The following RTEL1 variants were observed in gnomAD, a reference collection of about 807,000 sequenced individuals.
RTEL1 encodes regulator of telomere length.
In RTEL1, 86 loss-of-function variants were observed where a neutral mutation model predicts 162.2. The ratio of observed to expected loss-of-function variants is 0.53; its 90% CI spans 0.45 to 0.63. The LOEUF is 0.63. Ranked by LOEUF, RTEL1 falls within the 30% of genes least tolerant of loss-of-function variation. The pLI, the probability that RTEL1 is intolerant of heterozygous loss-of-function variation, is 0.00. For synonymous variants in RTEL1, 958 were observed against 717.9 expected (o/e 1.33, Z -5.35); for missense variants, 1,941 against 1,750.2 (o/e 1.11, Z -1.95).
In RTEL1 at chr20:63,674,009, A is replaced by C; in HGVS notation, c.835A>C (p.Ile279Leu). 2 of 1,614,164 alleles carry C rather than the reference A, an allele frequency of 1.2e-6. No homozygotes were observed. The highest frequency in any genetic ancestry group is 1.7e-6 in the Non-Finnish European group (2 of 1,180,028). The stretch of plus-strand genomic sequence containing the variant: ...TGACCTGGCTTCAGGACTGGACGTC[A>C]TAGACCAGGTGCTGGAGGAGCAGAC... ...PHDLASGLDV[I>L]DQVLEEQTKA... is the part of the protein sequence containing the mutation. Residue 279 changes from isoleucine (I) to leucine (L), a missense_variant, in exon 10 of 35, where the codon ATA (isoleucine) becomes CTA (leucine). Transcript: ENST00000360203.
At position 63,690,241 on chromosome 20, in the gene RTEL1, T is replaced by A. The variant is rs760679297; in HGVS notation, c.2265+31T>A. 4 of 1,608,398 alleles carry A rather than the reference T, an allele frequency of 2.5e-6. No homozygotes were observed. The South Asian group carries it at 4.4e-5, about 18-fold the overall frequency. On this transcript the variant is annotated intron_variant, in intron 25 of 34. Transcript: ENST00000360203. ...TTCCTGCCCAGGGAGGGGATGAGGG[T>A]GTTGTCCCCAGAGGAGCCAGAAATG...
chr20:63,677,352 C>G (rs1341273084), intron 10 of RTEL1, among the ~76,000 whole-genome samples: 1 of 152,178 alleles, frequency 6.6e-6, no homozygotes, highest in East Asian at 1.9e-4. Flanking sequence ...CATAAGGGCT[C>G]AGCGGTAATC....
Position 63,688,552 on chromosome 20 carries a change from G to A in RTEL1, c.1747G>A (p.Glu583Lys). 2 of 1,610,782 alleles carry A rather than the reference G, an allele frequency of 1.2e-6. No homozygotes were observed. The highest frequency in any genetic ancestry group is 1.7e-6 in the Non-Finnish European group (2 of 1,179,572). The change falls in exon 21 of 35, where the codon GAG becomes AAG. Residue 583 changes from glutamate (E) to lysine (K), a missense_variant. By Grantham distance (56) the Glu-to-Lys change is moderately conservative. Coordinates refer to ENST00000360203, the MANE Select transcript of RTEL1 (RefSeq NM_001283009.2). ...GGCCCGCGACTTGGCCAGGAAGATGGAGGCGCTGAAGCCGCTGTTTGTGGA... is the reference window on the plus strand; with the variant it reads ...GGCCCGCGACTTGGCCAGGAAGATGAAGGCGCTGAAGCCGCTGTTTGTGGA... ...WRARDLARKM[E>K]ALKPLFVEPR... is the part of the protein sequence containing the mutation.
In RTEL1 at chr20:63,661,507, T is replaced by C; in HGVS notation, c.301+11T>C. On this transcript the variant is annotated intron_variant, in intron 3 of 34. Transcript: ENST00000360203. This position sits in a 1 kb window ranked among gnomAD's most constrained non-coding sequence, Gnocchi z 5.1. ...CTGGAGACCCCATAGGTGACCCTAG[T>C]TCCCAGGCCTCTCCTGGCCTCCTGT... 6.2e-7 allele frequency: 1 copy of C among 1,605,354 alleles called. No individual in the cohort carries two copies. The highest frequency in any genetic ancestry group is 2.2e-5 in the East Asian group (1 of 44,794).
chr20:63,677,229 G>A (rs1459248155), intron 10 of RTEL1, among the ~76,000 whole-genome samples: 1 of 152,236 alleles, frequency 6.6e-6, no homozygotes. Flanking sequence ...GCGGCAGCGG[G>A]TTGGTCATGG....
At chr20:63,672,685 C>G (rs1490914297) in intron 9 of RTEL1, 64 bp downstream of exon 9, 2 of 1,389,134 alleles carry the variant, frequency 1.4e-6, no homozygotes, top group Admixed American at 2.0e-5. Context: ...AAGAGCCACG[C>G]AAACCTTTCT....
At chr20:63,693,618 TCCACCA>T (rs1568721213) in intron 30 of RTEL1, among the ~76,000 whole-genome samples, 36 of 1,900 alleles carry the variant, frequency 0.019, no homozygotes, top group South Asian at 0.036. Flanking sequence ...CACCTCCACC[TCCACCA>T]CCACCTCCAC....
intron 8 of RTEL1, 21 bp downstream of exon 8, chr20:63,667,574 C>G: frequency 6.3e-7 from 1 of 1,576,766 alleles, no homozygotes. Flanking sequence ...AGTCCTGTAG[C>G]TGACGACTCC....
rs375849124 is a variant in RTEL1, at chr20:63,659,496, C to T, written c.94C>T (p.Leu32=). 142 of 1,613,128 alleles carry T rather than the reference C, an allele frequency of 8.8e-5. No individual in the cohort carries two copies. The highest frequency in any genetic ancestry group is 1.2e-4 in the Non-Finnish European group (136 of 1,179,056). The change falls in exon 2 of 35, where the codon CTG becomes TTG. Residue 32 remains leucine (L), a synonymous_variant. Coordinates refer to ENST00000360203, the MANE Select transcript of RTEL1 (RefSeq NM_001283009.2). The part of the protein sequence containing the change: ...QEYMTKVLEC[L]QQKVNGILES... ...GTACATGACCAAGGTCCTGGAATGT[C>T]TGCAGCAGGTAGAGCACAGGCCCCG...
intron 6 of RTEL1, among the ~76,000 whole-genome samples, chr20:63,664,800 G>C (rs1307554295): frequency 6.6e-6 from 1 of 152,250 alleles, no homozygotes; most frequent in Non-Finnish European, 1.5e-5. Flanking sequence ...TGAGGAGACA[G>C]CTGGAGAGCT....
chr20:63,680,237 TCTC>T (rs112272166), intron 13 of RTEL1, among the ~76,000 whole-genome samples: 3 of 152,270 alleles, frequency 2.0e-5, no homozygotes, highest in African/African-American at 7.2e-5. Context: ...GCCTCTGGCT[TCTC>T]CACACCACCC....
Position 63,688,286 on chromosome 20 carries a change from C to A in RTEL1, c.1637-15C>A. 6.2e-6 allele frequency: 10 copies of A among 1,611,410 alleles called. No homozygotes were observed. The highest frequency in any genetic ancestry group is 8.5e-6 in the Non-Finnish European group (10 of 1,179,686). On this transcript the variant is annotated splice_polypyrimidine_tract_variant and intron_variant, in intron 19 of 34. Transcript: ENST00000360203. ...CATCCTGCCCCTGCCTTGACCCCGGCCCCTGCACTTCCAGGCAACATCGCC... is the reference window on the plus strand; with the variant it reads ...CATCCTGCCCCTGCCTTGACCCCGGACCCTGCACTTCCAGGCAACATCGCC...
intron 27 of RTEL1, 118 bp downstream of exon 27, chr20:63,691,065 G>A (rs2090729014): frequency 9.7e-6 from 11 of 1,138,112 alleles, no homozygotes; most frequent in Non-Finnish European, 1.3e-5. Flanking sequence ...CTGCCTGGCA[G>A]GCAGGCGGGC....
intron 30 of RTEL1, 77 bp downstream of exon 30, chr20:63,693,360 G>C: frequency 6.4e-7 from 1 of 1,571,542 alleles, no homozygotes; most frequent in Non-Finnish European, 8.7e-7. Flanking sequence ...GCTGCTTGGG[G>C]TGGGCATCCT....
chr20:63,684,983 T>A (rs2090558528), intron 14 of RTEL1, among the ~76,000 whole-genome samples: 1 of 150,980 alleles, frequency 6.6e-6, no homozygotes, highest in South Asian at 2.1e-4. Context: ...GCTCAGGGGA[T>A]CCTCTCAGCT....
chr20:63,688,706 GGCGGCTCCCGCTGCCTCTTCAGGGCTCCT>G, intron 21 of RTEL1, 101 bp downstream of exon 21: 5 of 1,090,876 alleles, frequency 4.6e-6, no homozygotes, highest in South Asian at 4.4e-5. Flanking sequence ...CATGGGCTCC[GGCGGCTCCCGCTGCCTCTTCAGGGCTCCT>G]GCGTTTCCTT....
At chr20:63,667,434 G>C (rs1198534323) in intron 7 of RTEL1, 35 bp from the exon 8 acceptor site, 8 of 1,541,280 alleles carry the variant, frequency 5.2e-6, no homozygotes, top group Non-Finnish European at 7.2e-6. Context: ...CCCTGCATGG[G>C]GTGCTCACAG....
intron 5 of RTEL1, 52 bp downstream of exon 5, chr20:63,662,679 T>C: frequency 6.2e-7 from 1 of 1,610,466 alleles, no homozygotes; most frequent in South Asian, 1.1e-5. Context: ...CGAGTGCTGC[T>C]GGGTGTCCAG....
intron 30 of RTEL1, among the ~76,000 whole-genome samples, 185 bp downstream of exon 30, chr20:63,693,468 T>TCCACCACCACCACCACCTCCA (rs1568720038): frequency 3.1e-4 from 3 of 9,748 alleles, no homozygotes; most frequent in Non-Finnish European, 6.2e-4. Context: ...CACCTCCACC[T>TCCACCACCACCACCACCTCCA]CCACCTCCAC....
Sources: gnomAD v4.1 joint callset for allele counts (sites outside exome capture counted in the v4.1 genomes callset) on GRCh38, gnomAD v4.1.1 for gene constraint, Gnocchi (gnomAD v3.1) non-coding constraint, MANE v1.5 for transcripts, NCBI Gene and HGNC (gene_info 2026-07-23, HGNC 2026-07-21) for gene names.